METTL15: variants seen among roughly 807,000 people sequenced by gnomAD.
METTL15 encodes the protein 12S rRNA N(4)-cytidine methyltransferase METTL15.
A neutral mutation model predicts 38.3 loss-of-function variants in METTL15; 34 were observed. That is an observed-to-expected ratio of 0.89 (90% confidence interval 0.68 to 1.18). The LOEUF (loss-of-function observed/expected upper bound fraction) is 1.18. Among genes scored for constraint, METTL15 ranks in the 50% most tolerant of loss-of-function variants. METTL15 has a pLI of 0.00. For missense variants in METTL15, 438 were observed against 498.4 expected (o/e 0.88, Z 1.15); for synonymous variants, 162 against 170.9 (o/e 0.95, Z 0.41).
chr11:28,428,494 T>TA (rs1484153042), intron 6 of METTL15, among the ~76,000 whole-genome samples: 19 of 152,364 alleles, frequency 1.2e-4, no homozygotes, highest in African/African-American at 4.6e-4. Flanking sequence ...CACTTAGTTC[T>TA]ATGTGGTTAT....
At chr11:28,119,319 A>G (rs983331375) in intron 3 of METTL15, among the ~76,000 whole-genome samples, 4 of 152,230 alleles carry the variant, frequency 2.6e-5, no homozygotes, top group South Asian at 2.1e-4. Context: ...GCCACATGGT[A>G]GTTTTGTAAT....
At chr11:28,205,606 C>T (rs1394294849) in intron 3 of METTL15, among the ~76,000 whole-genome samples, 3 of 152,008 alleles carry the variant, frequency 2.0e-5, no homozygotes, top group African/African-American at 7.3e-5. Context: ...ATTTATCGTC[C>T]TTTGGGTATA....
At chr11:28,124,003 ATATAT>A (rs1398273426) in intron 3 of METTL15, 7 of 644,986 alleles carry the variant, frequency 1.1e-5, no homozygotes, top group African/African-American at 1.9e-5. Context: ...AAGCACTTTT[ATATAT>A]TATTGACTGT....
At chr11:28,184,646 GC>G (rs1386174474) in intron 3 of METTL15, among the ~76,000 whole-genome samples, 3 of 151,354 alleles carry the variant, frequency 2.0e-5, no homozygotes. Flanking sequence ...TTATCAACAA[GC>G]ATTATGTATT....
At chr11:28,160,136 A>G (rs985043840) in intron 3 of METTL15, among the ~76,000 whole-genome samples, 1 of 151,972 alleles carries the variant, frequency 6.6e-6, no homozygotes, top group East Asian at 1.9e-4. Flanking sequence ...CCCATGCTGG[A>G]TGCTTCCTGA....
At chr11:28,257,753 TGTAA>T (rs1855032295) in intron 4 of METTL15, among the ~76,000 whole-genome samples, 2 of 152,336 alleles carry the variant, frequency 1.3e-5, no homozygotes, top group African/African-American at 4.8e-5. Flanking sequence ...TTTCAATCTC[TGTAA>T]AATTTATTTC....
At chr11:28,296,987 G>T in intron 6 of METTL15, 56 bp downstream of exon 6, 1 of 1,574,814 alleles carries the variant, frequency 6.3e-7, no homozygotes, top group Non-Finnish European at 8.7e-7. Context: ...TTACATGTGT[G>T]CATGTGTTTG....
intron 3 of METTL15, among the ~76,000 whole-genome samples, chr11:28,204,257 C>G (rs748265333): frequency 6.6e-6 from 1 of 151,760 alleles, no homozygotes; most frequent in African/African-American, 2.4e-5. Flanking sequence ...ATTCTGAACC[C>G]CAATTATGTC....
At chr11:28,201,063 T>G (rs1477218301) in intron 3 of METTL15, among the ~76,000 whole-genome samples, 1 of 152,130 alleles carries the variant, frequency 6.6e-6, no homozygotes, top group East Asian at 1.9e-4. Context: ...TAAATAGCTG[T>G]TATTATTTTG....
At chr11:28,220,080 CT>C (rs1387448598) in intron 4 of METTL15, among the ~76,000 whole-genome samples, 4 of 152,156 alleles carry the variant, frequency 2.6e-5, no homozygotes, top group Non-Finnish European at 5.9e-5. Context: ...GTTAGGTCCG[CT>C]TTGTGCAGAG....
intron 3 of METTL15, chr11:28,145,855 A>G (rs1849864834): frequency 1.3e-5 from 2 of 152,126 alleles, no homozygotes; most frequent in East Asian, 3.9e-4. Flanking sequence ...ATTGAATTAT[A>G]CCATGATAAG....
intron 4 of METTL15, among the ~76,000 whole-genome samples, chr11:28,359,132 T>C (rs1281174625): frequency 2.0e-5 from 3 of 152,216 alleles, no homozygotes; most frequent in Admixed American, 6.5e-5. Flanking sequence ...CCCATCTTTA[T>C]GTCCATGTGT....
At chr11:28,160,048 C>A (rs1850401458) in intron 3 of METTL15, among the ~76,000 whole-genome samples, 1 of 152,026 alleles carries the variant, frequency 6.6e-6, no homozygotes, top group African/African-American at 2.4e-5. Context: ...ATCTCATCAG[C>A]TGCCAGCATG....
downstream of METTL15, among the ~76,000 whole-genome samples, chr11:28,333,921 T>G (rs1328852808): frequency 6.6e-6 from 1 of 151,842 alleles, no homozygotes; most frequent in East Asian, 1.9e-4. Context: ...TGCAGAGTAT[T>G]ACATACCTAA....
chr11:28,142,971 G>T (rs1849750388), intron 3 of METTL15, among the ~76,000 whole-genome samples: 1 of 152,084 alleles, frequency 6.6e-6, no homozygotes, highest in Non-Finnish European at 1.5e-5. Flanking sequence ...ATGGAGAGAG[G>T]TGGGCAGATA....
intron 3 of METTL15, among the ~76,000 whole-genome samples, chr11:28,340,043 T>C (rs1226315376): frequency 1.3e-5 from 2 of 152,070 alleles, no homozygotes; most frequent in Non-Finnish European, 2.9e-5. Flanking sequence ...CTTGAAAATA[T>C]AAAACTAGCA....
At chr11:28,174,442 A>G (rs1296481320) in intron 3 of METTL15, among the ~76,000 whole-genome samples, 1 of 152,184 alleles carries the variant, frequency 6.6e-6, no homozygotes, top group African/African-American at 2.4e-5. Flanking sequence ...TGTAATATGC[A>G]GCATTATTTC....
At position 28,403,761 on chromosome 11, in the gene METTL15, A is replaced by G. The variant is rs981283010; in HGVS notation, c.*359-20538A>G. On this transcript the variant is annotated intron_variant and NMD_transcript_variant, in intron 5 of 7. Coordinates refer to the METTL15 transcript ENST00000532947. ...GACTAAGAAATGGGTTAATGTTTTT[A>G]TGTCATTTTTTGCCAATAATGGCAA... Among the ~76,000 whole-genome samples, 33 of 152,082 alleles carry G rather than the reference A, an allele frequency of 2.2e-4. 1 individual carries two copies. Among genetic ancestry groups the G allele is most frequent in the Admixed American group, 7.9e-4 (12 of 15,252 alleles).
intron 6 of METTL15, among the ~76,000 whole-genome samples, chr11:28,508,714 A>G (rs1851650135): frequency 6.6e-6 from 1 of 152,198 alleles, no homozygotes. Context: ...TTAATTCTGT[A>G]TAATCATCAG....
Sources: gnomAD v4.1 joint callset for allele counts (sites outside exome capture counted in the v4.1 genomes callset) on GRCh38, gnomAD v4.1.1 for gene constraint, MANE v1.5 for transcripts, NCBI Gene and HGNC (gene_info 2026-07-23, HGNC 2026-07-21) for gene names.